The following GALNT13 variants were observed in gnomAD, a reference collection of about 807,000 sequenced individuals.
GALNT13 encodes UDP-GalNAc:polypeptide N-acetylgalactosaminyltransferase 13.
A neutral mutation model predicts 64.2 loss-of-function variants in GALNT13; 28 were observed. The ratio of observed to expected loss-of-function variants is 0.44; its 90% CI spans 0.32 to 0.60. The LOEUF is 0.60. GALNT13 is among the 20% of genes least tolerant of loss of function. The pLI is 0.05. For synonymous variants in GALNT13, 214 were observed against 224.6 expected, an observed-to-expected ratio of 0.95 and a Z score of 0.42; for missense variants, 577 against 669.8, an observed-to-expected ratio of 0.86 and a Z score of 1.53.
chr2:153,307,584 A>G, the GALNT13 span, among the ~76,000 whole-genome samples: 1 of 152,144 alleles, frequency 6.6e-6, no homozygotes, highest in African/African-American at 2.4e-5. Flanking sequence ...CTTATAAAAT[A>G]TGGAAGTAAT....
chr2:153,400,567 G>T, the GALNT13 span, among the ~76,000 whole-genome samples: 1 of 152,018 alleles, frequency 6.6e-6, no homozygotes, highest in Admixed American at 6.5e-5. Flanking sequence ...GACTCTTTTT[G>T]GTTGGTAAGC....
chr2:153,719,693 G>T, the GALNT13 span, among the ~76,000 whole-genome samples: 1 of 152,084 alleles, frequency 6.6e-6, no homozygotes, highest in South Asian at 2.1e-4. Flanking sequence ...TCAAAGAAAG[G>T]GGTGACGGAC....
chr2:153,739,787 T>G, the GALNT13 span, among the ~76,000 whole-genome samples: 5 of 151,530 alleles, frequency 3.3e-5, no homozygotes, highest in Admixed American at 6.6e-5. Flanking sequence ...TGGCTAAAAA[T>G]TTTTACAACT....
At chr2:153,686,591 A>T in the GALNT13 span, among the ~76,000 whole-genome samples, 3 of 151,892 alleles carry the variant, frequency 2.0e-5, no homozygotes, top group Non-Finnish European at 4.4e-5. Flanking sequence ...CACAAACAGG[A>T]ATAGTTTGAC....
At chr2:153,863,625 T>C in the GALNT13 span, among the ~76,000 whole-genome samples, 1 of 152,198 alleles carries the variant, frequency 6.6e-6, no homozygotes, top group African/African-American at 2.4e-5. Context: ...AAAATTTAAA[T>C]AGTGAAGTAT....
the GALNT13 span, among the ~76,000 whole-genome samples, chr2:153,553,966 G>GA: frequency 0.039 from 4 of 102 alleles, no homozygotes; most frequent in East Asian, 0.4. Flanking sequence ...TCCTGGGGAT[G>GA]AGGTTCCCCT....
chr2:153,634,066 T>C, the GALNT13 span, among the ~76,000 whole-genome samples: 2 of 152,272 alleles, frequency 1.3e-5, no homozygotes, highest in South Asian at 4.1e-4. Context: ...CAGAAGAATT[T>C]CCATAACTTT....
intron 4 of GALNT13, among the ~76,000 whole-genome samples, chr2:154,156,213 T>G (rs547042363): frequency 1.4e-4 from 22 of 152,152 alleles, no homozygotes; most frequent in African/African-American, 4.8e-4. Flanking sequence ...AGAATGTGAT[T>G]GTTTTATCAT....
intron 4 of GALNT13, among the ~76,000 whole-genome samples, chr2:154,169,522 G>A (rs1219194160): frequency 1.3e-5 from 2 of 152,110 alleles, no homozygotes; most frequent in South Asian, 2.1e-4. Context: ...TCCTATGGAG[G>A]GTTTTGAGAA....
chr2:153,889,524 T>C (rs904652429), intron 1 of GALNT13, among the ~76,000 whole-genome samples: 3 of 152,034 alleles, frequency 2.0e-5, no homozygotes, highest in African/African-American at 7.2e-5. Flanking sequence ...TTACTTACCA[T>C]TGAAAAATTT....
intron 4 of GALNT13, among the ~76,000 whole-genome samples, chr2:154,230,317 C>A (rs1211255609): frequency 2.0e-5 from 3 of 152,110 alleles, no homozygotes; most frequent in African/African-American, 4.8e-5. Flanking sequence ...ACAGTTATCA[C>A]AGGCAATAAA....
intron 8 of GALNT13, among the ~76,000 whole-genome samples, chr2:154,270,964 G>C (rs1691320660): frequency 6.6e-6 from 1 of 151,828 alleles, no homozygotes; most frequent in South Asian, 2.1e-4. Context: ...ATTCAGTCAA[G>C]CTTAAATGTT....
chr2:154,342,001 A>G (rs1377707433), intron 9 of GALNT13, among the ~76,000 whole-genome samples: 1 of 152,126 alleles, frequency 6.6e-6, no homozygotes, highest in Non-Finnish European at 1.5e-5. Flanking sequence ...CTGAACAAAC[A>G]GAAGGAAGAT....
chr2:153,929,082 A>G lies in GALNT13; in HGVS notation c.-104-15312A>G, dbSNP rs533623157. Among the ~76,000 whole-genome samples, 44 of 152,264 alleles carry G rather than the reference A, an allele frequency of 2.9e-4. 1 individual carries two copies. Among genetic ancestry groups the G allele is most frequent in the Non-Finnish European group, 5.9e-5 (4 of 68,020 alleles). On this transcript the variant is annotated intron_variant, in intron 2 of 12. Transcript: ENST00000392825. Reference sequence around the variant, plus strand: ...TTTCATACATCATTTTCTTATCCCTAATCCACTGCTTTTGTATATCTCCCC... The same window carrying G: ...TTTCATACATCATTTTCTTATCCCTGATCCACTGCTTTTGTATATCTCCCC...
chr2:153,503,522 C>G, the GALNT13 span, among the ~76,000 whole-genome samples: 1 of 152,102 alleles, frequency 6.6e-6, no homozygotes, highest in Admixed American at 6.5e-5. Context: ...CTCACTGCAA[C>G]CTCTGCCTCC....
At chr2:153,540,052 G>A in the GALNT13 span, among the ~76,000 whole-genome samples, 1 of 152,222 alleles carries the variant, frequency 6.6e-6, no homozygotes, top group Non-Finnish European at 1.5e-5. Flanking sequence ...TGTGGAAAAT[G>A]TCTCCAGGAT....
chr2:153,294,837 C>CTT, the GALNT13 span, among the ~76,000 whole-genome samples: 1 of 152,140 alleles, frequency 6.6e-6, no homozygotes, highest in African/African-American at 2.4e-5. Context: ...GTCACTCATC[C>CTT]TTTTTTTCTA....
At chr2:153,725,055 C>T in the GALNT13 span, among the ~76,000 whole-genome samples, 2 of 149,838 alleles carry the variant, frequency 1.3e-5, no homozygotes, top group African/African-American at 5.0e-5. Context: ...TGGAACCAAC[C>T]CAAATGTCCA....
intron 9 of GALNT13, among the ~76,000 whole-genome samples, chr2:154,364,054 A>G (rs575522387): frequency 7.4e-4 from 112 of 152,330 alleles, no homozygotes; most frequent in African/African-American, 2.6e-3. Context: ...TATATATTGA[A>G]TGGAATAAAA....
Sources: allele counts gnomAD v4.1 joint callset (sites outside exome capture counted in the v4.1 genomes callset), GRCh38; gene constraint gnomAD v4.1.1; transcripts MANE v1.5; gene names NCBI Gene and HGNC (gene_info 2026-07-23, HGNC 2026-07-21).